TIAM1: variants seen among roughly 807,000 people sequenced by gnomAD.
TIAM1 encodes the protein TIAM Rac1 associated GEF 1.
Under a neutral mutation model 163.5 loss-of-function variants are expected in TIAM1, and 65 were observed. The ratio of observed to expected loss-of-function variants is 0.40; its 90% CI spans 0.33 to 0.49. TIAM1 has a LOEUF of 0.49. Ranked by LOEUF, TIAM1 falls within the 20% of genes least tolerant of loss-of-function variation. The pLI, the probability that TIAM1 is intolerant of heterozygous loss-of-function variation, is 0.77. For synonymous variants in TIAM1, 833 were observed against 810.1 expected, an observed-to-expected ratio of 1.03 and a Z score of -0.48; for missense variants, 1,789 against 2,044.7, an observed-to-expected ratio of 0.87 and a Z score of 2.41.
At chr21:31,502,692 T>C (rs905798443) in intron 1 of TIAM1, among the ~76,000 whole-genome samples, 1 of 152,142 alleles carries the variant, frequency 6.6e-6, no homozygotes, top group Non-Finnish European at 1.5e-5. Context: ...CCGTCTTGAG[T>C]TTCCTGGTTC....
intron 1 of TIAM1, among the ~76,000 whole-genome samples, chr21:31,540,296 A>G (rs1661634496): frequency 6.6e-6 from 1 of 151,816 alleles, no homozygotes; most frequent in African/African-American, 2.4e-5. Context: ...GAGGCAGGAG[A>G]ATCACTTGAA....
chr21:31,295,448 T>G (rs539534053), intron 2 of TIAM1, among the ~76,000 whole-genome samples: 4 of 116,198 alleles, frequency 3.4e-5, no homozygotes, highest in Non-Finnish European at 4.8e-5. Flanking sequence ...CCAGCCTGGG[T>G]GACAGAGTGA....
rs758953625 is a variant in TIAM1 at position 31,252,015 on chromosome 21, G to T, written c.1138C>A (p.Arg380Ser). The stretch of plus-strand genomic sequence containing the variant: ...CGGAAGTTCTCGTACACCCCCTGAC[G>T]AGCCGCATCCCCGGTGGAGCTGCTG... ...SGSSSTGDAA[R>S]QGVYENFRRE... Residue 380 changes from arginine to serine, a missense_variant, in exon 5 of 28, where the codon CGT (arginine) becomes AGT (serine). Around this residue, in one of 5 missense-constraint regions of TIAM1, gnomAD observed 555 missense variants for 564.9 expected, o/e 0.98. Coordinates refer to ENST00000541036, the MANE Select transcript of TIAM1 (RefSeq NM_001353694.2). 2 of 1,613,950 alleles carry T rather than the reference G, an allele frequency of 1.2e-6. No homozygotes were observed. Among genetic ancestry groups the T allele is most frequent in the Non-Finnish European group, 1.7e-6 (2 of 1,179,972 alleles).
chr21:31,382,554 C>T (rs1039711736), intron 2 of TIAM1, among the ~76,000 whole-genome samples: 5 of 152,164 alleles, frequency 3.3e-5, no homozygotes, highest in African/African-American at 1.2e-4. Context: ...CTGTTTTTTT[C>T]CGAAAGACTG....
At chr21:31,181,578 G>A (rs937083996) in intron 15 of TIAM1, among the ~76,000 whole-genome samples, 4 of 151,696 alleles carry the variant, frequency 2.6e-5, no homozygotes, top group African/African-American at 9.7e-5. Context: ...GACAAACAGA[G>A]CTCTGCACAC....
At chr21:31,124,096 T>A (rs1159503851) in intron 27 of TIAM1, 1 of 156,320 alleles carries the variant, frequency 6.4e-6, no homozygotes, top group Admixed American at 6.5e-5. Flanking sequence ...GAAGCCACCA[T>A]GTTCTCAGAA....
intron 16 of TIAM1, among the ~76,000 whole-genome samples, chr21:31,164,345 A>G (rs985060751): frequency 6.6e-6 from 1 of 150,678 alleles, no homozygotes; most frequent in South Asian, 2.1e-4. Context: ...AGCCGAGATC[A>G]CGCCACTGCC....
intron 1 of TIAM1, among the ~76,000 whole-genome samples, chr21:31,542,034 C>G (rs1265253519): frequency 1.3e-5 from 2 of 152,122 alleles, no homozygotes; most frequent in Non-Finnish European, 2.9e-5. Flanking sequence ...TGTGGTCATT[C>G]GAAATGAAGA....
In TIAM1 at chr21:31,320,540, G is replaced by A. The variant is rs546209180; in HGVS notation, c.-189+18703C>T. Among the ~76,000 whole-genome samples, 10 of 152,290 alleles carry A rather than the reference G, an allele frequency of 6.6e-5. No individual in the cohort carries two copies. In the South Asian group the frequency reaches 2.1e-3, roughly 32 times the overall value. On this transcript the variant is annotated intron_variant, in intron 2 of 27. Transcript: ENST00000541036. ...AAAAATAATGGCTTTGGTCAATGAT[G>A]GTTGAGTCTGAGGTCTCCAAGGCAG...
intron 2 of TIAM1, among the ~76,000 whole-genome samples, chr21:31,457,021 T>C (rs150235269): frequency 8.4e-4 from 128 of 152,350 alleles, no homozygotes; most frequent in Non-Finnish European, 1.6e-3. Context: ...TTTTCACAGT[T>C]TTCCTTTTCC....
chr21:31,349,133 C>T (rs893246271), upstream of TIAM1, among the ~76,000 whole-genome samples: 1 of 152,126 alleles, frequency 6.6e-6, no homozygotes, highest in Non-Finnish European at 1.5e-5. Flanking sequence ...CTCTATCTTC[C>T]AATTATAAGT....
chr21:31,201,765 A>G (rs2086213990), intron 12 of TIAM1, among the ~76,000 whole-genome samples: 1 of 152,238 alleles, frequency 6.6e-6, no homozygotes, highest in Non-Finnish European at 1.5e-5. Flanking sequence ...GCAAGCAGTC[A>G]GAGCCCCCAG....
In TIAM1 at chr21:31,490,982, G is replaced by A. The variant is rs187731145; in HGVS notation, c.-421-26947C>T. Among the ~76,000 whole-genome samples, 38 of 152,268 alleles carry A rather than the reference G, an allele frequency of 2.5e-4. No individual in the cohort carries two copies. The Middle Eastern group carries it at 0.01, about 41-fold the overall frequency. On this transcript the variant is annotated intron_variant, in intron 1 of 28. Transcript: ENST00000286827. ...TCTACTAAAAATACAAAAATTAGCC[G>A]GGCGTGGTGGTGCGTGCCTGTAATC... is the stretch of plus-strand genomic sequence containing the variant.
intron 9 of TIAM1, 89 bp from the exon 10 acceptor site, chr21:31,213,561 T>C (rs1045568535): frequency 1.8e-6 from 2 of 1,092,172 alleles, no homozygotes; most frequent in East Asian, 2.4e-5. Flanking sequence ...GGCATGGCTA[T>C]GACAAAACCT....
In TIAM1 at chr21:31,226,000, A is replaced by G. The variant is rs1275282733; in HGVS notation, c.1585-50T>C. ...AGAAAAAGGCACCTCTTAGGAACTT[A>G]AGAGAAATGAACCGGAGCATTTCCA... On this transcript the variant is annotated intron_variant, in intron 6 of 27. Coordinates refer to ENST00000541036, the MANE Select transcript of TIAM1 (RefSeq NM_001353694.2). 3 of 1,536,322 alleles carry G rather than the reference A, an allele frequency of 2.0e-6. No homozygotes were observed. The African/African-American group carries it at 4.1e-5, about 21-fold the overall frequency.
intron 1 of TIAM1, among the ~76,000 whole-genome samples, chr21:31,541,421 C>T (rs2048320217): frequency 6.6e-6 from 1 of 152,026 alleles, no homozygotes; most frequent in Non-Finnish European, 1.5e-5. Flanking sequence ...CATGCCACTG[C>T]ACTCCAGCCT....
At chr21:31,407,627 TA>T (rs2077268878) in intron 2 of TIAM1, among the ~76,000 whole-genome samples, 2 of 146,080 alleles carry the variant, frequency 1.4e-5, no homozygotes, top group African/African-American at 5.2e-5. Flanking sequence ...CATTTGCTCT[TA>T]ATTTTTTTTT....
chr21:31,312,397 C>T (rs979598150), intron 2 of TIAM1, among the ~76,000 whole-genome samples: 4 of 152,236 alleles, frequency 2.6e-5, no homozygotes, highest in Middle Eastern at 3.4e-3. Flanking sequence ...AACAATATAA[C>T]AGGTGAGTTA....
chr21:31,168,890 G>A (rs1291383530), intron 15 of TIAM1, among the ~76,000 whole-genome samples: 1 of 152,190 alleles, frequency 6.6e-6, no homozygotes, highest in Non-Finnish European at 1.5e-5. Flanking sequence ...ACATCACTAT[G>A]AGCAAGAGGC....
Sources: allele counts gnomAD v4.1 joint callset (sites outside exome capture counted in the v4.1 genomes callset), GRCh38; gene constraint gnomAD v4.1.1; regional missense constraint gnomAD v4.1.1; transcripts MANE v1.5; gene names NCBI Gene and HGNC (gene_info 2026-07-23, HGNC 2026-07-21).